TEAD1: variants seen among roughly 807,000 people sequenced by gnomAD.
TEAD1 encodes the protein transcriptional enhancer factor TEF-1.
In TEAD1, 9 loss-of-function variants were observed where a neutral mutation model predicts 54.9. The observed-to-expected ratio is 0.16, with a 90% CI of 0.10 to 0.29. TEAD1 has a LOEUF of 0.29. Ranked by LOEUF, TEAD1 falls within the 10% of genes least tolerant of loss-of-function variation. TEAD1 has a pLI of 1.00. For synonymous variants in TEAD1, 200 were observed against 187.8 expected, an observed-to-expected ratio of 1.07 and a Z score of -0.53; for missense variants, 387 against 535.9, an observed-to-expected ratio of 0.72 and a Z score of 2.74.
intron 3 of TEAD1, among the ~76,000 whole-genome samples, chr11:12,832,380 G>T (rs1276447285): frequency 3.3e-5 from 5 of 152,214 alleles, no homozygotes; most frequent in Non-Finnish European, 5.9e-5. Context: ...TTGATAAATT[G>T]TCCTCAAAGC....
In TEAD1 at chr11:12,808,784, T is replaced by C. The variant is rs116884604; in HGVS notation, c.202+44350T>C. ...AAACATACTTTAAAGTTGTCAGTTA[T>C]GTTTTCTTTCTCATTTTTGGTGTTG... On this transcript the variant is annotated intron_variant, in intron 3 of 12. Coordinates refer to ENST00000527636, the MANE Select transcript of TEAD1 (RefSeq NM_021961.6). Among the ~76,000 whole-genome samples, 48 of 152,336 alleles carry C rather than the reference T, an allele frequency of 3.2e-4. No individual in the cohort carries two copies. In the East Asian group the frequency reaches 8.1e-3, roughly 26 times the overall value.
At position 12,689,889 on chromosome 11, in the gene TEAD1, T is replaced by A. The variant is rs1439104277; in HGVS notation, c.-55+14328T>A. Among the ~76,000 whole-genome samples, 3 of 151,312 alleles carry A rather than the reference T, an allele frequency of 2.0e-5. No homozygotes were observed. In the East Asian group the frequency reaches 5.8e-4, roughly 29 times the overall value. ...TTAGTACATATTTTAAAAATATGAC[T>A]CTTTTTAAAAAAAAACAACCAACTA... On this transcript the variant is annotated intron_variant, in intron 2 of 12. Coordinates refer to ENST00000527636, the MANE Select transcript of TEAD1 (RefSeq NM_021961.6).
chr11:12,764,193 A>G lies in TEAD1; in HGVS notation c.-40A>G. On this transcript the variant is annotated 5_prime_UTR_variant, in exon 3 of 13. Coordinates refer to ENST00000527636, the MANE Select transcript of TEAD1 (RefSeq NM_021961.6). ...TTCTCTTCTAGGTTTATTTTCTTGAAAAGGCTCCAGGCTTCGGCTTGGAAA... is the reference window on the plus strand; with the variant it reads ...TTCTCTTCTAGGTTTATTTTCTTGAGAAGGCTCCAGGCTTCGGCTTGGAAA... 1.9e-6 allele frequency: 3 copies of G among 1,596,822 alleles called. No individual in the cohort carries two copies. The highest frequency in any genetic ancestry group is 1.4e-5 in the African/African-American group (1 of 74,028).
chr11:12,722,821 A>G (rs1349149340), intron 2 of TEAD1, among the ~76,000 whole-genome samples: 2 of 152,174 alleles, frequency 1.3e-5, no homozygotes, highest in East Asian at 1.9e-4. Flanking sequence ...AATCATATGT[A>G]GGCTCAATTT....
chr11:12,889,905 A>G (rs1948164720), intron 9 of TEAD1, among the ~76,000 whole-genome samples: 1 of 152,002 alleles, frequency 6.6e-6, no homozygotes, highest in African/African-American at 2.4e-5. Flanking sequence ...TATTTTTAGT[A>G]GAGATGGGGT....
intron 10 of TEAD1, among the ~76,000 whole-genome samples, chr11:12,917,287 A>G (rs1237113255): frequency 6.6e-6 from 1 of 152,182 alleles, no homozygotes; most frequent in Non-Finnish European, 1.5e-5. Context: ...GGGTGGTCTC[A>G]GAAGCTGGAA....
At position 12,899,753 on chromosome 11, in the gene TEAD1, C is replaced by G. The variant is rs547857817; in HGVS notation, c.700-2187C>G. 3.3e-5 allele frequency among the ~76,000 whole-genome samples: 5 copies of G among 152,220 alleles called. No individual in the cohort carries two copies. The South Asian group carries it at 1.0e-3, about 32-fold the overall frequency. On this transcript the variant is annotated intron_variant, in intron 9 of 12. Transcript: ENST00000527636. ...CCATGTCAGAGCTTGATAGGGTTCTCTCTTTCACCTCACCTGATACCTTTT... is the reference window on the plus strand; with the variant it reads ...CCATGTCAGAGCTTGATAGGGTTCTGTCTTTCACCTCACCTGATACCTTTT...
intron 3 of TEAD1, among the ~76,000 whole-genome samples, chr11:12,837,017 G>A (rs1449963814): frequency 6.6e-6 from 1 of 152,148 alleles, no homozygotes; most frequent in Non-Finnish European, 1.5e-5. Context: ...ACATCCCACA[G>A]TGACTTTTTC....
At chr11:12,720,357 A>G (rs929308816) in intron 2 of TEAD1, among the ~76,000 whole-genome samples, 2 of 152,164 alleles carry the variant, frequency 1.3e-5, no homozygotes, top group African/African-American at 2.4e-5. Flanking sequence ...ATATAGATAC[A>G]TAGATAGTCT....
At chr11:12,882,883 T>A in intron 8 of TEAD1, 118 bp from the exon 9 acceptor site, 1 of 1,484,348 alleles carries the variant, frequency 6.7e-7, no homozygotes, top group Non-Finnish European at 9.3e-7. Context: ...CCAGAGCCGG[T>A]GGAGAGGGGG....
At chr11:12,808,834 G>A (rs375581492) in intron 3 of TEAD1, among the ~76,000 whole-genome samples, 24 of 152,218 alleles carry the variant, frequency 1.6e-4, no homozygotes, top group African/African-American at 5.8e-4. Context: ...TTGAGTTTCA[G>A]TTTCCTTTTC....
intron 3 of TEAD1, among the ~76,000 whole-genome samples, chr11:12,799,322 A>G (rs1463674838): frequency 2.0e-5 from 3 of 152,268 alleles, no homozygotes; most frequent in Admixed American, 6.5e-5. Context: ...GCGCTTGTTA[A>G]TAGTCACATG....
At chr11:12,840,718 G>A (rs944623851) in intron 3 of TEAD1, among the ~76,000 whole-genome samples, 4 of 152,098 alleles carry the variant, frequency 2.6e-5, no homozygotes, top group African/African-American at 9.7e-5. Context: ...TTTCTCTGAG[G>A]TAGAAAAACT....
At chr11:12,855,288 CT>C (rs1947355078) in intron 3 of TEAD1, among the ~76,000 whole-genome samples, 1 of 150,750 alleles carries the variant, frequency 6.6e-6, no homozygotes, top group Admixed American at 6.6e-5. Context: ...TTTTTTCTTT[CT>C]TTCTTTTTTC....
At chr11:12,773,675 A>T (rs76082027) in intron 3 of TEAD1, among the ~76,000 whole-genome samples, 1 of 151,796 alleles carries the variant, frequency 6.6e-6, no homozygotes, top group Non-Finnish European at 1.5e-5. Flanking sequence ...CCTTTTTTGG[A>T]TATGTGGTTT....
chr11:12,793,964 A>G (rs1320615922), intron 3 of TEAD1, among the ~76,000 whole-genome samples: 1 of 152,234 alleles, frequency 6.6e-6, no homozygotes, highest in African/African-American at 2.4e-5. Flanking sequence ...TTGGAACACT[A>G]AAGTGGATAA....
rs530999931 is a variant in TEAD1 at position 12,712,749 on chromosome 11, GAATA to G, written c.-55+37192_-55+37195del. ...AGAGACCAGACTTTTATCTGGGTGA[GAATA>G]AATCAAATCCAGTATCTTTGGGATT... On this transcript the variant is annotated intron_variant, in intron 2 of 12. Transcript: ENST00000527636. Among the ~76,000 whole-genome samples, 365 of 152,286 alleles carry G rather than the reference GAATA, an allele frequency of 2.4e-3. 4 individuals are homozygous for G. The Middle Eastern group carries it at 0.048, about 20-fold the overall frequency.
intron 2 of TEAD1, among the ~76,000 whole-genome samples, chr11:12,752,243 C>CT (rs1417247774): frequency 0.012 from 623 of 52,750 alleles, 1 homozygote; most frequent in Non-Finnish European, 0.017. Context: ...TCATTTCTTT[C>CT]TTTTTTTTTA....
intron 2 of TEAD1, among the ~76,000 whole-genome samples, chr11:12,752,133 A>G (rs1400513474): frequency 1.3e-5 from 2 of 152,060 alleles, no homozygotes; most frequent in African/African-American, 4.8e-5. Context: ...GCATAATTCA[A>G]AAAAGGCAAA....
Sources: allele counts gnomAD v4.1 joint callset (sites outside exome capture counted in the v4.1 genomes callset), GRCh38; gene constraint gnomAD v4.1.1; transcripts MANE v1.5; gene names NCBI Gene and HGNC (gene_info 2026-07-23, HGNC 2026-07-21).